RPH3AL: variants seen among roughly 807,000 people sequenced by gnomAD.
RPH3AL encodes the protein rabphilin 3A like (without C2 domains).
RPH3AL carries 38 observed loss-of-function variants against 43.1 expected under a neutral mutation model. The ratio of observed to expected loss-of-function variants is 0.88; its 90% CI spans 0.68 to 1.15. The LOEUF (loss-of-function observed/expected upper bound fraction) is 1.15. Ranked by LOEUF, RPH3AL falls within the 50% of genes most tolerant of loss-of-function variation. The pLI, the probability that RPH3AL is intolerant of heterozygous loss-of-function variation, is 0.00. For missense variants in RPH3AL, 462 were observed against 423.2 expected (o/e 1.09, Z -0.81); for synonymous variants, 189 against 176.3 (o/e 1.07, Z -0.57).
At position 229,130 on chromosome 17, in the gene RPH3AL, C is replaced by T. The variant is rs189655254; in HGVS notation, c.614-9394G>A. ...TCAAATCATTTCTCCACTGAAAAGT[C>T]TCAATCCTCACGGGCAAAATGCCAA... is the stretch of plus-strand genomic sequence containing the variant. On this transcript the variant is annotated intron_variant, in intron 7 of 9. Coordinates refer to ENST00000331302, the MANE Select transcript of RPH3AL (RefSeq NM_006987.4). 3.7e-3 allele frequency among the ~76,000 whole-genome samples: 556 copies of T among 152,320 alleles called. 4 individuals are homozygous for T. The highest frequency in any genetic ancestry group is 0.013 in the African/African-American group (546 of 41,578).
intron 1 of RPH3AL, among the ~76,000 whole-genome samples, chr17:349,850 C>T (rs2045319157): frequency 6.6e-6 from 1 of 152,152 alleles, no homozygotes; most frequent in Non-Finnish European, 1.5e-5. Context: ...AACACCTTAT[C>T]TATATCATCA....
At chr17:233,151 G>A (rs779173877) in intron 7 of RPH3AL, among the ~76,000 whole-genome samples, 3 of 152,086 alleles carry the variant, frequency 2.0e-5, no homozygotes, top group Admixed American at 6.5e-5. Context: ...GCACGTGTGC[G>A]TGTGTGTGCA....
intron 5 of RPH3AL, among the ~76,000 whole-genome samples, chr17:309,112 C>A (rs1746956337): frequency 6.6e-6 from 1 of 152,152 alleles, no homozygotes. Context: ...GCCTGGGCAA[C>A]ATAGCAGACC....
intron 5 of RPH3AL, among the ~76,000 whole-genome samples, chr17:304,721 A>G (rs1466399040): frequency 1.3e-5 from 2 of 152,004 alleles, no homozygotes; most frequent in Non-Finnish European, 2.9e-5. Flanking sequence ...CGAGATTCAC[A>G]TTCACTGAAT....
chr17:321,661 C>T (rs920114384), intron 3 of RPH3AL: 4 of 457,008 alleles, frequency 8.8e-6, no homozygotes, highest in Non-Finnish European at 1.5e-5. Context: ...GGATTGCGGG[C>T]AACAGAGACG....
chr17:283,853 G>C lies in RPH3AL; in HGVS notation c.352-1999C>G, dbSNP rs563206429. ...CCTCTCTCCACCTCTTCCACCCTTC[G>C]CTCCTAATGTTCCCACCTCTACAAC... is the stretch of plus-strand genomic sequence containing the variant. On this transcript the variant is annotated intron_variant, in intron 5 of 9. Transcript: ENST00000331302. The surrounding 1 kb of genome is among the most constrained non-coding windows in gnomAD (Gnocchi z 4.2). Among the ~76,000 whole-genome samples, 1 of 152,128 alleles carries C rather than the reference G, an allele frequency of 6.6e-6. No homozygotes were observed. Among genetic ancestry groups the C allele is most frequent in the South Asian group, 2.1e-4 (1 of 4,818 alleles).
intron 5 of RPH3AL, among the ~76,000 whole-genome samples, chr17:285,160 G>A (rs562802223): frequency 2.0e-4 from 31 of 152,106 alleles, no homozygotes; most frequent in Non-Finnish European, 4.1e-4. Context: ...GAGCATCGTC[G>A]TGTCTCTCAG....
chr17:317,498 C>G (rs1409187375), intron 5 of RPH3AL, among the ~76,000 whole-genome samples: 1 of 149,958 alleles, frequency 6.7e-6, no homozygotes, highest in Non-Finnish European at 1.5e-5. Flanking sequence ...CTCCATTGAC[C>G]TGTAGTCCCT....
rs546770518 is a variant in RPH3AL at position 300,011 on chromosome 17, C to A, written c.352-18157G>T. Among the ~76,000 whole-genome samples the A allele has an allele frequency of 2.3e-3, 218 of 93,776 alleles. 3 individuals carry two copies. Among genetic ancestry groups the A allele is most frequent in the African/African-American group, 7.9e-3 (208 of 26,272 alleles). The allele number at this position is 93,776 out of a possible 152,430, so 61.5% of individuals were successfully genotyped here. ...CTAGCAGGGGCTGGCCCAGCCTAGG[C>A]CTGCAGAATCTCCCACCCACTCTAG... is the stretch of plus-strand genomic sequence containing the variant. On this transcript the variant is annotated intron_variant, in intron 5 of 9. Coordinates refer to ENST00000331302, the MANE Select transcript of RPH3AL (RefSeq NM_006987.4).
chr17:263,897 G>A (rs146738234), intron 6 of RPH3AL, among the ~76,000 whole-genome samples: 28 of 152,302 alleles, frequency 1.8e-4, no homozygotes, highest in African/African-American at 4.8e-4. Flanking sequence ...AATTGTGGCC[G>A]TGGGCACCTC....
intron 6 of RPH3AL, among the ~76,000 whole-genome samples, chr17:251,709 T>C (rs913663217): frequency 6.6e-6 from 1 of 152,158 alleles, no homozygotes; most frequent in African/African-American, 2.4e-5. Context: ...CAAGGCTCAT[T>C]AGAGCAGGTA....
chr17:317,715 G>T (rs1193050091), intron 5 of RPH3AL, among the ~76,000 whole-genome samples: 1 of 152,226 alleles, frequency 6.6e-6, no homozygotes, highest in African/African-American at 2.4e-5. Flanking sequence ...AAGAAATGAG[G>T]TAGCTGAAGT....
chr17:215,250 A>T lies in RPH3AL; in HGVS notation c.876+404T>A, dbSNP rs1047567968. On this transcript the variant is annotated intron_variant, in intron 9 of 9. Coordinates refer to ENST00000331302, the MANE Select transcript of RPH3AL (RefSeq NM_006987.4). This position sits in a 1 kb window ranked among gnomAD's most constrained non-coding sequence, Gnocchi z 4.1. ...TGGGCCAACCAGGGCTGGGCCCAGC[A>T]GGTGCAGGGCAGGGTGGGAGCCCAG... is the stretch of plus-strand genomic sequence containing the variant. Among the ~76,000 whole-genome samples the T allele has an allele frequency of 1.3e-5, 2 of 152,112 alleles. No homozygotes were observed. Among genetic ancestry groups the T allele is most frequent in the Non-Finnish European group, 2.9e-5 (2 of 67,988 alleles).
Position 213,628 on chromosome 17 carries a change from G to C in RPH3AL, c.*224C>G, listed in dbSNP as rs905227268. 1 of 594,478 alleles carries C rather than the reference G, an allele frequency of 1.7e-6. No individual in the cohort carries two copies. The allele number at this position is 594,478 out of a possible 1,614,324, so 36.8% of individuals were successfully genotyped here. A position where few individuals can be genotyped will look rare whatever the true frequency, so the allele number is the denominator to read the frequency against. ...GGGGAGGGTAATAAATAAGGTCGGG[G>C]GCTGAGGGCAGTGGTTGGAGGGGGT... On this transcript the variant is annotated 3_prime_UTR_variant, in exon 10 of 10. Transcript: ENST00000331302.
chr17:326,995 A>G (rs1267613628), intron 3 of RPH3AL, among the ~76,000 whole-genome samples: 1 of 152,240 alleles, frequency 6.6e-6, no homozygotes, highest in Non-Finnish European at 1.5e-5. Context: ...CGCCTCGTCC[A>G]CTGCAACAGA....
intron 6 of RPH3AL, among the ~76,000 whole-genome samples, chr17:276,106 C>T (rs910220679): frequency 6.6e-6 from 1 of 152,114 alleles, no homozygotes; most frequent in Non-Finnish European, 1.5e-5. Flanking sequence ...GGGGACGAGA[C>T]AGTTGGGAGC....
At position 245,087 on chromosome 17, in the gene RPH3AL, G is replaced by T. The variant is rs1486323544; in HGVS notation, c.613+2024C>A. Among the ~76,000 whole-genome samples, 1 of 151,494 alleles carries T rather than the reference G, an allele frequency of 6.6e-6. No individual in the cohort carries two copies. The highest frequency in any genetic ancestry group is 1.5e-5 in the Non-Finnish European group (1 of 67,882). The stretch of plus-strand genomic sequence containing the variant: ...TGTGTGCATAAATGTGCATGCGCAA[G>T]TGTGTGTAGACGTGTGTGTACATGT... On this transcript the variant is annotated intron_variant, in intron 7 of 9. Transcript: ENST00000331302. This position sits in a 1 kb window ranked among gnomAD's most constrained non-coding sequence, Gnocchi z 5.9.
chr17:289,499 C>T lies in RPH3AL; in HGVS notation c.352-7645G>A, dbSNP rs189258691. Among the ~76,000 whole-genome samples the T allele has an allele frequency of 5.6e-4, 86 of 152,308 alleles. No individual in the cohort carries two copies. The highest frequency in any genetic ancestry group is 1.7e-3 in the African/African-American group (71 of 41,560). On this transcript the variant is annotated intron_variant, in intron 5 of 9. Transcript: ENST00000331302. The surrounding 1 kb of genome is among the most constrained non-coding windows in gnomAD (Gnocchi z 5.2). Reference sequence around the variant, plus strand: ...CGCCCAGCAGATCTCTCTACCCCACCGCGCTGTCCTCCAGCTGGTTCCCGA... The same window carrying T: ...CGCCCAGCAGATCTCTCTACCCCACTGCGCTGTCCTCCAGCTGGTTCCCGA...
chr17:313,829 G>C lies in RPH3AL; in HGVS notation c.351+5591C>G, dbSNP rs138976240. On this transcript the variant is annotated intron_variant, in intron 5 of 9. Transcript: ENST00000331302. ...TGACACCACCTTCTCCAAGAAGGAA[G>C]AGTGAACCCTCCAAAGCCCCCAAAT... Among the ~76,000 whole-genome samples the C allele has an allele frequency of 1.1e-4, 17 of 152,254 alleles. No homozygotes were observed. In the East Asian group the frequency reaches 3.3e-3, roughly 29 times the overall value.
Sources: allele counts gnomAD v4.1 joint callset (sites outside exome capture counted in the v4.1 genomes callset), GRCh38; gene constraint gnomAD v4.1.1; non-coding constraint Gnocchi (gnomAD v3.1); transcripts MANE v1.5; gene names NCBI Gene and HGNC (gene_info 2026-07-23, HGNC 2026-07-21).